Variants in RPS17 observed in about 807,000 individuals in gnomAD.
RPS17 encodes ribosomal protein S17, also known as small ribosomal subunit protein eS17.
For missense variants in RPS17, 68 were observed against 182.3 expected (o/e 0.37, Z 3.61); for synonymous variants, 75 against 65.6 (o/e 1.14, Z -0.70).
At position 82,538,040 on chromosome 15, in the gene RPS17, C is replaced by T. The variant is rs2150887288; in HGVS notation, c.327+266G>A. On this transcript the variant is annotated intron_variant, in intron 4 of 4. Coordinates refer to ENST00000647841, the MANE Select transcript of RPS17 (RefSeq NM_001021.6). ...CTGACACAAAGGGGGCAACGTAAGC[C>T]AGCTATAAAACCAAGAACAGAAGCA... 4 of 526,254 alleles carry T rather than the reference C, an allele frequency of 7.6e-6. No individual in the cohort carries two copies. In the East Asian group the frequency reaches 1.9e-4, roughly 25 times the overall value. The allele number at this position is 526,254 out of a possible 1,614,324, so 32.6% of individuals were successfully genotyped here. A position where few individuals can be genotyped will look rare whatever the true frequency, so the allele number is the denominator to read the frequency against.
Position 82,538,952 on chromosome 15 carries a change from T to C in RPS17, c.189A>G (p.Arg63=). 2 of 1,613,978 alleles carry C rather than the reference T, an allele frequency of 1.2e-6. No homozygotes were observed. Among genetic ancestry groups the C allele is most frequent in the East Asian group, 2.2e-5 (1 of 44,886 alleles). The change falls in exon 3 of 5, where the codon AGA becomes AGG. Residue 63 remains arginine, a synonymous_variant. Transcript: ENST00000647841. ...TGATGGAGATACCTCTTACTGGGCC[T>C]CTCTGAATTCGCTTCATCAGATGCG... ...YVTHLMKRIQ[R]GPVRGISIKL... is the part of the protein sequence containing the mutation.
intron 2 of RPS17, chr15:82,539,459 G>A (rs1443979654): frequency 4.4e-6 from 2 of 458,798 alleles, no homozygotes; most frequent in African/African-American, 2.0e-5. Flanking sequence ...AGGCCGAGGC[G>A]GGCGGATCGC....
intron 2 of RPS17, chr15:82,539,456 G>A (rs1184087748): frequency 4.4e-6 from 2 of 459,122 alleles, no homozygotes; most frequent in Non-Finnish European, 8.7e-6. Context: ...GGGAGGCCGA[G>A]GCGGGCGGAT....
intron 4 of RPS17, chr15:82,537,708 G>C (rs1265824676): frequency 5.3e-6 from 2 of 379,406 alleles, no homozygotes; most frequent in Non-Finnish European, 1.0e-5. Context: ...AGCTGGGAAA[G>C]TACATGTGAG....
At chr15:82,537,000 A>G (rs1315084074) in intron 4 of RPS17, 119 bp from the exon 5 acceptor site, 11 of 1,168,656 alleles carry the variant, frequency 9.4e-6, no homozygotes, top group Non-Finnish European at 1.4e-5. Flanking sequence ...GGCGACCTGA[A>G]GGACCCTTTA....
At chr15:82,537,914 G>T (rs966114076) in intron 4 of RPS17, 2 of 458,118 alleles carry the variant, frequency 4.4e-6, no homozygotes, top group Admixed American at 2.3e-5. Flanking sequence ...GTAGTGCCTT[G>T]TATGTACCTG....
chr15:82,538,857 G>C, intron 3 of RPS17, 23 bp downstream of exon 3: 1 of 1,610,688 alleles, frequency 6.2e-7, no homozygotes, highest in South Asian at 1.1e-5. Flanking sequence ...TTAGCCAGAA[G>C]CCCAAATATC....
intron 4 of RPS17, 101 bp downstream of exon 4, chr15:82,538,205 C>T: frequency 7.6e-7 from 1 of 1,320,876 alleles, no homozygotes; most frequent in Non-Finnish European, 1.1e-6. Flanking sequence ...AGATGGGATT[C>T]CCAACTCTGC....
intron 2 of RPS17, 140 bp downstream of exon 2, chr15:82,539,841 A>T: frequency 7.1e-7 from 1 of 1,415,022 alleles, no homozygotes; most frequent in South Asian, 1.2e-5. Flanking sequence ...CTGCACACGC[A>T]GAGCTCTAGC....
intron 4 of RPS17, 29 bp from the exon 5 acceptor site, chr15:82,536,910 AGTTACTG>A: frequency 6.2e-7 from 1 of 1,613,482 alleles, no homozygotes; most frequent in Non-Finnish European, 8.5e-7. Flanking sequence ...TTCAGTGAGC[AGTTACTG>A]GTGAGATCTG....
At chr15:82,539,499 T>C (rs2034304872) in intron 2 of RPS17, 1 of 457,748 alleles carries the variant, frequency 2.2e-6, no homozygotes. Flanking sequence ...ACCAGCCTGG[T>C]CAACATTGTG....
intron 2 of RPS17, chr15:82,539,245 C>T: frequency 1.6e-6 from 1 of 640,054 alleles, no homozygotes. Context: ...CCCCGCCCCG[C>T]AGTTTCACGA....
chr15:82,538,804 G>A (rs1168050658), intron 3 of RPS17, 76 bp downstream of exon 3: 1 of 1,467,196 alleles, frequency 6.8e-7, no homozygotes, highest in Non-Finnish European at 9.5e-7. Context: ...TTCAGCTGAG[G>A]TCCCTTTGGA....
At chr15:82,538,539 T>C in intron 3 of RPS17, 168 bp from the exon 4 acceptor site, 1 of 794,300 alleles carries the variant, frequency 1.3e-6, no homozygotes, top group Non-Finnish European at 2.2e-6. Context: ...CGATGACCTG[T>C]TCTTCTGGCC....
intron 4 of RPS17, chr15:82,537,181 T>G: frequency 2.0e-6 from 1 of 493,000 alleles, no homozygotes; most frequent in Non-Finnish European, 3.7e-6. Flanking sequence ...AAACACCGTT[T>G]CTCAATCTTG....
intron 2 of RPS17, 41 bp from the exon 3 acceptor site, chr15:82,539,026 A>C: frequency 6.3e-7 from 1 of 1,586,944 alleles, no homozygotes; most frequent in South Asian, 1.1e-5. Flanking sequence ...TGAGAAGACA[A>C]ATCAACTCCC....
At chr15:82,537,845 C>T in intron 4 of RPS17, 1 of 455,906 alleles carries the variant, frequency 2.2e-6, no homozygotes, top group South Asian at 1.5e-5. Context: ...TGCAAAAGGA[C>T]TAAGATAAGC....
rs1291025495 is a variant in RPS17 at position 82,540,151 on chromosome 15, G to A, written c.4-19C>T. The A allele has an allele frequency of 8.4e-5, 135 of 1,613,732 alleles. 1 individual carries two copies. The highest frequency in any genetic ancestry group is 2.7e-4 in the East Asian group (12 of 44,878). ...CGCGGCCCTGCGGGTGGAGAGGACA[G>A]GATCACTCACGAGCCAGCGCAACCT... On this transcript the variant is annotated intron_variant, in intron 1 of 4. Coordinates refer to ENST00000647841, the MANE Select transcript of RPS17 (RefSeq NM_001021.6).
At chr15:82,539,182 CTATTCA>C in intron 2 of RPS17, 197 bp from the exon 3 acceptor site, 1 of 698,884 alleles carries the variant, frequency 1.4e-6, no homozygotes, top group South Asian at 1.5e-5. Flanking sequence ...TTCTCACTCT[CTATTCA>C]AACTCTCCTT....
Sources: allele counts gnomAD v4.1 joint callset, GRCh38; gene constraint gnomAD v4.1.1; transcripts MANE v1.5; gene names NCBI Gene and HGNC (gene_info 2026-07-23, HGNC 2026-07-21).